The following TPO variants were observed in gnomAD, a reference collection of about 807,000 sequenced individuals.
TPO encodes the protein thyroid peroxidase, also known as thyroid microsomal antigen.
TPO carries 78 observed loss-of-function variants against 96.9 expected under a neutral mutation model. The ratio of observed to expected loss-of-function variants is 0.81; its 90% CI spans 0.67 to 0.97. The LOEUF (loss-of-function observed/expected upper bound fraction) is 0.97. TPO is among the 50% of genes least tolerant of loss of function. The pLI, the probability that TPO is intolerant of heterozygous loss-of-function variation, is 0.00. For missense variants in TPO, 1,252 were observed against 1,274.8 expected (o/e 0.98, Z 0.27); for synonymous variants, 547 against 538.0 (o/e 1.02, Z -0.23).
At chr2:1,411,063 T>A (rs1328979431), upstream of TPO, among the ~76,000 whole-genome samples, 1 of 152,110 alleles carries the variant, frequency 6.6e-6, no homozygotes, top group East Asian at 1.9e-4. Context: ...GAAATCTTCC[T>A]TCCCAAGTCC....
intron 5 of TPO, among the ~76,000 whole-genome samples, chr2:1,443,967 G>T (rs1666488085): frequency 7.7e-6 from 1 of 129,628 alleles, no homozygotes; most frequent in Admixed American, 7.8e-5. Context: ...GAAGGGAACG[G>T]GGCAGGCTCG....
chr2:1,390,507 T>C (rs964323769), intron 1 of TPO, among the ~76,000 whole-genome samples: 2 of 152,218 alleles, frequency 1.3e-5, no homozygotes, highest in Non-Finnish European at 2.9e-5. Flanking sequence ...CATGTGTCTT[T>C]ACAGTAGCAT....
chr2:1,449,352 C>A (rs1667121380), intron 5 of TPO, among the ~76,000 whole-genome samples: 1 of 152,096 alleles, frequency 6.6e-6, no homozygotes, highest in East Asian at 1.9e-4. Context: ...TATGTATTTG[C>A]CTTGAATTCA....
intron 5 of TPO, chr2:1,438,842 C>T (rs1009085249): frequency 2.1e-5 from 15 of 716,044 alleles, no homozygotes; most frequent in Non-Finnish European, 3.1e-5. Context: ...CCCGACCATT[C>T]CGAAACTGCC....
upstream of TPO, among the ~76,000 whole-genome samples, chr2:1,409,937 C>T (rs1027279740): frequency 1.0e-4 from 4 of 38,906 alleles, no homozygotes; most frequent in African/African-American, 2.9e-4. Flanking sequence ...CCTAGGGTTA[C>T]GGGGCAGGTG....
intron 5 of TPO, among the ~76,000 whole-genome samples, chr2:1,446,843 A>G (rs1475326645): frequency 6.6e-6 from 1 of 152,176 alleles, no homozygotes; most frequent in Non-Finnish European, 1.5e-5. Flanking sequence ...GTTATGTTTA[A>G]GAATCTTGCT....
intron 15 of TPO, among the ~76,000 whole-genome samples, chr2:1,528,033 G>A (rs1175320961): frequency 7.1e-6 from 1 of 140,958 alleles, no homozygotes; most frequent in African/African-American, 2.7e-5. Flanking sequence ...CCCACTATGT[G>A]CAACCTCCTC....
chr2:1,429,854 C>T (rs1306361114), intron 3 of TPO, among the ~76,000 whole-genome samples: 1 of 152,114 alleles, frequency 6.6e-6, no homozygotes, highest in Non-Finnish European at 1.5e-5. Flanking sequence ...AACCAACCAT[C>T]AGATATGAGA....
chr2:1,484,660 G>C lies in TPO; in HGVS notation c.1403G>C (p.Gly468Ala). The change falls in exon 9 of 17, where the codon GGT becomes GCT. Residue 468 changes from glycine (G) to alanine (A), a missense_variant. Transcript: ENST00000329066. ...LGPEAFQQYV[G>A]PYEGYDSTAN... Reference sequence around the variant, plus strand: ...CCCGAGGCCTTCCAGCAGTACGTGGGTCCCTATGAAGGCTATGACTCCACC... The same window carrying C: ...CCCGAGGCCTTCCAGCAGTACGTGGCTCCCTATGAAGGCTATGACTCCACC... 1 of 1,614,098 alleles carries C rather than the reference G, an allele frequency of 6.2e-7. No homozygotes were observed. Among genetic ancestry groups the C allele is most frequent in the Non-Finnish European group, 8.5e-7 (1 of 1,180,038 alleles).
In TPO at chr2:1,484,753, C is replaced by T. The variant is rs1169072188; in HGVS notation, c.1496C>T (p.Pro499Leu). 1.3e-5 allele frequency: 21 copies of T among 1,613,992 alleles called. No individual in the cohort carries two copies. Among genetic ancestry groups the T allele is most frequent in the Admixed American group, 6.7e-5 (4 of 59,996 alleles). ...AFRFGHATIHPLVRRLDASFQ... is the reference protein window; with the variant it reads ...AFRFGHATIHLLVRRLDASFQ... ...CGCTTCGGCCATGCCACGATCCACCCGCTGGTGAGGAGGCTGGACGCCAGC... is the reference window on the plus strand; with the variant it reads ...CGCTTCGGCCATGCCACGATCCACCTGCTGGTGAGGAGGCTGGACGCCAGC... Residue 499 changes from proline to leucine, a missense_variant, in exon 9 of 17, where the codon CCG (proline) becomes CTG (leucine). Physicochemically the swap from Pro to Leu is moderately conservative, Grantham distance 98. Transcript: ENST00000329066.
chr2:1,541,125 C>T, intron 16 of TPO: 1 of 1,188,572 alleles, frequency 8.4e-7, no homozygotes, highest in Non-Finnish European at 1.1e-6. Flanking sequence ...ATGTTTTACC[C>T]CCTTACCTTG....
intron 2 of TPO, among the ~76,000 whole-genome samples, chr2:1,422,657 A>T (rs534355752): frequency 6.6e-6 from 1 of 152,342 alleles, no homozygotes; most frequent in African/African-American, 2.4e-5. Context: ...ATTGGAAACT[A>T]CTGGTATAGT....
rs978660726 is a variant in TPO at position 1,512,438 on chromosome 2, G to A, written c.2519-4445G>A. ...CCGAGAGAGCCCCTGAGCCCGGCCC[G>A]GACCAGCGCCCGTGCTCAGGGCAGC... On this transcript the variant is annotated intron_variant, in intron 14 of 16. Coordinates refer to ENST00000329066, the MANE Select transcript of TPO (RefSeq NM_001206744.2). 7.3e-5 allele frequency: 72 copies of A among 985,444 alleles called. No homozygotes were observed. The East Asian group carries it at 8.0e-4, about 11-fold the overall frequency. 61.0% of individuals were successfully genotyped at this position (985,444 alleles called of 1,614,324 possible).
chr2:1,395,856 C>T (rs1662071510), intron 1 of TPO, among the ~76,000 whole-genome samples: 1 of 152,204 alleles, frequency 6.6e-6, no homozygotes, highest in Admixed American at 6.5e-5. Flanking sequence ...TGCCTGCCGC[C>T]ATGTAAGAGG....
intron 14 of TPO, among the ~76,000 whole-genome samples, chr2:1,509,744 G>GGACACCCCACCCTCTTGTTTCAGC (rs1673888506): frequency 7.0e-6 from 1 of 141,912 alleles, no homozygotes; most frequent in African/African-American, 2.7e-5. Context: ...CTTGTTTCAG[G>GGACACCCCACCCTCTTGTTTCAGC]GACACCCCAC....
chr2:1,524,925 GT>G (rs1195347875), intron 15 of TPO, among the ~76,000 whole-genome samples: 3 of 118,016 alleles, frequency 2.5e-5, no homozygotes, highest in East Asian at 2.4e-4. Context: ...CCCCCGCTGT[GT>G]GCAACCTCCT....
At chr2:1,525,974 C>T (rs1000775851) in intron 15 of TPO, among the ~76,000 whole-genome samples, 1 of 135,622 alleles carries the variant, frequency 7.4e-6, no homozygotes, top group African/African-American at 2.8e-5. Flanking sequence ...CCCAAATCTC[C>T]CCACTGTGAG....
intron 16 of TPO, chr2:1,541,325 A>G (rs769611604): frequency 2.7e-6 from 1 of 374,858 alleles, no homozygotes; most frequent in Non-Finnish European, 3.8e-6. Context: ...ACGCTTCCTC[A>G]TAATGATCGC....
At chr2:1,436,490 CCCTG>C in intron 5 of TPO, 106 bp downstream of exon 5, 2 of 1,541,462 alleles carry the variant, frequency 1.3e-6, no homozygotes, top group Non-Finnish European at 1.8e-6. Context: ...CTGTATCCAC[CCCTG>C]AGCCCCTGGT....
Sources: gnomAD v4.1 joint callset for allele counts (sites outside exome capture counted in the v4.1 genomes callset) on GRCh38, gnomAD v4.1.1 for gene constraint, MANE v1.5 for transcripts, NCBI Gene and HGNC (gene_info 2026-07-23, HGNC 2026-07-21) for gene names.